TNRC6B: variants seen among roughly 807,000 people sequenced by gnomAD.
TNRC6B encodes the protein trinucleotide repeat-containing gene 6B protein.
TNRC6B carries 52 observed loss-of-function variants against 203.6 expected under a neutral mutation model. The ratio of observed to expected loss-of-function variants is 0.26; its 90% CI spans 0.20 to 0.32. The LOEUF is 0.32. TNRC6B is among the 10% of genes least tolerant of loss of function. The pLI is 1.00. For synonymous variants in TNRC6B, 838 were observed against 845.7 expected (o/e 0.99, Z 0.16); for missense variants, 1,923 against 2,286.2 (o/e 0.84, Z 3.24).
intron 1 of TNRC6B, among the ~76,000 whole-genome samples, chr22:40,056,583 C>T (rs2067798014): frequency 6.6e-6 from 1 of 151,978 alleles, no homozygotes; most frequent in Admixed American, 6.6e-5. Context: ...CACTTGAGGC[C>T]AGGAGTTCGA....
At position 40,285,705 on chromosome 22, in the gene TNRC6B, G is replaced by A. The variant is rs748167158; in HGVS notation, c.3643G>A (p.Val1215Met). Residue 1215 changes from valine (V) to methionine (M), a missense_variant, in exon 12 of 23, where the codon GTG becomes ATG. Transcript: ENST00000454349. Reference sequence around the variant, plus strand: ...ACAATCGAGAGGTCTGCACACACCCGTGCAGCCACTAAATTCTTCTCCCAG... The same window carrying A: ...ACAATCGAGAGGTCTGCACACACCCATGCAGCCACTAAATTCTTCTCCCAG... The part of the protein sequence containing the change: ...TAQSRGLHTP[V>M]QPLNSSPSLR... 2.0e-5 allele frequency: 32 copies of A among 1,613,812 alleles called. No individual in the cohort carries two copies. The highest frequency in any genetic ancestry group is 1.2e-4 in the African/African-American group (9 of 74,920).
chr22:40,172,179 C>T (rs973214676), intron 4 of TNRC6B, among the ~76,000 whole-genome samples: 2 of 152,228 alleles, frequency 1.3e-5, no homozygotes, highest in Non-Finnish European at 2.9e-5. Flanking sequence ...CATGCCCGGC[C>T]TAAACATCTG....
chr22:40,047,750 G>T (rs1437435569), intron 1 of TNRC6B, among the ~76,000 whole-genome samples: 1 of 152,202 alleles, frequency 6.6e-6, no homozygotes, highest in Non-Finnish European at 1.5e-5. Context: ...AAGGCTTTCA[G>T]AGCCCTTTGT....
Position 40,246,054 on chromosome 22 carries a change from C to G in TNRC6B, c.45C>G (p.Asp15Glu). Residue 15 changes from aspartate to glutamate, a missense_variant, in exon 2 of 23, where the codon GAC becomes GAG. Physicochemically the swap from Asp to Glu is conservative, Grantham distance 45 (BLOSUM62 2). Around this residue, in one of 8 missense-constraint regions of TNRC6B, gnomAD observed 111 missense variants for 155.3 expected, o/e 0.71. Transcript: ENST00000454349. ...EQEREEQLME[D>E]KKRKKEDKKK... is the part of the protein sequence containing the mutation. ...AAAGGGAAGAACAGTTAATGGAAGACAAGAAAAGGAAGAAAGAGGATAAAA... is the reference window on the plus strand; with the variant it reads ...AAAGGGAAGAACAGTTAATGGAAGAGAAGAAAAGGAAGAAAGAGGATAAAA... 1 of 1,532,040 alleles carries G rather than the reference C, an allele frequency of 6.5e-7. No individual in the cohort carries two copies. Among genetic ancestry groups the G allele is most frequent in the Non-Finnish European group, 8.8e-7 (1 of 1,135,916 alleles). The allele number at this position is 1,532,040 out of a possible 1,614,324, so 94.9% of individuals were successfully genotyped here.
At chr22:40,101,433 T>C (rs1347657714) in intron 1 of TNRC6B, among the ~76,000 whole-genome samples, 1 of 152,234 alleles carries the variant, frequency 6.6e-6, no homozygotes, top group African/African-American at 2.4e-5. Context: ...TTCACATTTC[T>C]ATCAGGATTC....
At position 40,329,027 on chromosome 22, in the gene TNRC6B, AAAAAC is replaced by A. The variant is rs2071435717; in HGVS notation, c.*5791_*5795del. On this transcript the variant is annotated 3_prime_UTR_variant, in exon 23 of 23. Transcript: ENST00000454349. ...ACTTCTTAGTGTTACTGCAAAAAAAAAAAACAAAAACAAAACAAAAAAAAGCCTTG... is the reference window on the plus strand; with the variant it reads ...ACTTCTTAGTGTTACTGCAAAAAAAAAAAAACAAAACAAAAAAAAGCCTTG... 2 of 151,738 alleles carry A rather than the reference AAAAAC, an allele frequency of 1.3e-5. No individual in the cohort carries two copies. Among genetic ancestry groups the A allele is most frequent in the East Asian group, 1.9e-4 (1 of 5,192 alleles). The allele number at this position is 151,738 out of a possible 1,614,324, so 9.4% of individuals were successfully genotyped here. A position where few individuals can be genotyped will look rare whatever the true frequency, so the allele number is the denominator to read the frequency against.
chr22:40,072,300 C>T (rs999158695), intron 1 of TNRC6B, among the ~76,000 whole-genome samples: 1 of 152,112 alleles, frequency 6.6e-6, no homozygotes, highest in African/African-American at 2.4e-5. Flanking sequence ...TAACGGAGCG[C>T]TTACTTAAGA....
At chr22:40,073,485 CT>C (rs1601798839) in intron 1 of TNRC6B, among the ~76,000 whole-genome samples, 1 of 151,934 alleles carries the variant, frequency 6.6e-6, no homozygotes, top group East Asian at 1.9e-4. Flanking sequence ...CTAGTGGTGT[CT>C]TTTATTGGGG....
intron 1 of TNRC6B, among the ~76,000 whole-genome samples, chr22:40,224,290 C>T (rs541787730): frequency 6.6e-6 from 1 of 152,300 alleles, no homozygotes; most frequent in South Asian, 2.1e-4. Context: ...TAGGCGTGAA[C>T]CACCATGCCT....
intron 20 of TNRC6B, 50 bp from the exon 21 acceptor site, chr22:40,315,889 TTTC>T: frequency 7.2e-7 from 1 of 1,394,124 alleles, no homozygotes. Context: ...CCTCATGGCT[TTTC>T]TTGTTTTTGT....
chr22:40,226,750 C>T (rs1479049043), intron 1 of TNRC6B, among the ~76,000 whole-genome samples: 2 of 152,152 alleles, frequency 1.3e-5, no homozygotes, highest in Non-Finnish European at 2.9e-5. Flanking sequence ...TCTTCATGCA[C>T]ACTATTTAGC....
At chr22:40,115,279 G>T (rs1601822812) in intron 1 of TNRC6B, among the ~76,000 whole-genome samples, 1 of 152,166 alleles carries the variant, frequency 6.6e-6, no homozygotes, top group South Asian at 2.1e-4. Context: ...TAACCTAAGC[G>T]GGAAACTTTA....
Position 40,265,334 on chromosome 22 carries a change from T to A in TNRC6B, c.1104T>A (p.His368Gln), listed in dbSNP as rs762575872. ...CTGGCAGAGAACAGGCTCAAATTCATAACACTGATGGACCAAAAAATGGAA... is the reference window on the plus strand; with the variant it reads ...CTGGCAGAGAACAGGCTCAAATTCAAAACACTGATGGACCAAAAAATGGAA... ...VVSGREQAQI[H>Q]NTDGPKNGNT... The change falls in exon 5 of 23, where the codon CAT becomes CAA. Residue 368 changes from histidine to glutamine, a missense_variant. His to Gln is a conservative substitution (Grantham distance 24). This residue lies in a region of TNRC6B where 614 missense variants were observed against 587.7 expected (regional missense o/e 1.04). Coordinates refer to ENST00000454349, the MANE Select transcript of TNRC6B (RefSeq NM_001162501.2). 1.9e-6 allele frequency: 3 copies of A among 1,613,892 alleles called. No individual in the cohort carries two copies. Among genetic ancestry groups the A allele is most frequent in the Admixed American group, 1.7e-5 (1 of 60,006 alleles).
intron 1 of TNRC6B, among the ~76,000 whole-genome samples, chr22:40,075,437 T>C (rs1405279007): frequency 6.6e-6 from 1 of 151,920 alleles, no homozygotes; most frequent in African/African-American, 2.4e-5. Context: ...TGTGTGATAT[T>C]AATATGGTCA....
chr22:40,063,616 G>T (rs1485688941), intron 1 of TNRC6B, among the ~76,000 whole-genome samples: 2 of 151,764 alleles, frequency 1.3e-5, no homozygotes, highest in East Asian at 1.9e-4. Flanking sequence ...GCGTATAAGT[G>T]TTGCACTTCT....
chr22:40,194,606 T>C (rs2069313644), intron 1 of TNRC6B, among the ~76,000 whole-genome samples: 1 of 152,182 alleles, frequency 6.6e-6, no homozygotes, highest in Non-Finnish European at 1.5e-5. Flanking sequence ...GATACAGAAC[T>C]CTTAGTTTTC....
Position 40,265,783 on chromosome 22 carries a change from A to T in TNRC6B, c.1553A>T (p.Asp518Val). 6.2e-7 allele frequency: 1 copy of T among 1,614,008 alleles called. No homozygotes were observed. The highest frequency in any genetic ancestry group is 8.5e-7 in the Non-Finnish European group (1 of 1,179,888). ...QGEWKQPTGS[D>V]ELKIGEWSGP... Reference sequence around the variant, plus strand: ...GAATGGAAACAGCCGACTGGGTCTGATGAGTTGAAAATTGGAGAATGGAGT... The same window carrying T: ...GAATGGAAACAGCCGACTGGGTCTGTTGAGTTGAAAATTGGAGAATGGAGT... Residue 518 changes from aspartate to valine, a missense_variant, in exon 5 of 23, where the codon GAT (aspartate) becomes GTT (valine). By Grantham distance (152) the Asp-to-Val change is radical. Transcript: ENST00000454349.
chr22:40,319,772 T>C (rs1054423715), intron 21 of TNRC6B, among the ~76,000 whole-genome samples: 6 of 152,324 alleles, frequency 3.9e-5, no homozygotes. Flanking sequence ...AATTAAACTT[T>C]GTCTTAGGTA....
At chr22:40,224,057 A>T (rs1349386941) in intron 1 of TNRC6B, among the ~76,000 whole-genome samples, 3 of 152,020 alleles carry the variant, frequency 2.0e-5, no homozygotes, top group Non-Finnish European at 4.4e-5. Flanking sequence ...CCCAGGCTGG[A>T]GTGCAGTGGT....
Sources: gnomAD v4.1 joint callset for allele counts (sites outside exome capture counted in the v4.1 genomes callset) on GRCh38, gnomAD v4.1.1 for gene constraint, gnomAD v4.1.1 regional missense constraint, MANE v1.5 for transcripts, NCBI Gene and HGNC (gene_info 2026-07-23, HGNC 2026-07-21) for gene names.